Variants in ATF1 observed in about 807,000 individuals in gnomAD.
ATF1 encodes the protein activating transcription factor 1, also known as cyclic AMP-dependent transcription factor ATF-1.
Under a neutral mutation model 34.7 loss-of-function variants are expected in ATF1, and 16 were observed. The ratio of observed to expected loss-of-function variants is 0.46; its 90% CI spans 0.31 to 0.70. The LOEUF (loss-of-function observed/expected upper bound fraction) is 0.70, where lower values mean the gene tolerates loss of function less well. ATF1 is among the 30% of genes least tolerant of loss of function. The probability of loss-of-function intolerance (pLI) is 0.05; values close to 1 mark genes in which losing one functional copy is unlikely to be tolerated. For synonymous variants in ATF1, 105 were observed against 113.1 expected (o/e 0.93, Z 0.46); for missense variants, 255 against 321.6 (o/e 0.79, Z 1.58).
chr12:50,819,073 T>C (rs904937599), intron 6 of ATF1, among the ~76,000 whole-genome samples: 4 of 152,212 alleles, frequency 2.6e-5, no homozygotes, highest in Middle Eastern at 3.2e-3. Flanking sequence ...ATTTCACTCT[T>C]TGGTATTTAT....
chr12:50,773,808 T>G (rs1044454276), intron 1 of ATF1, among the ~76,000 whole-genome samples: 1 of 152,036 alleles, frequency 6.6e-6, no homozygotes, highest in East Asian at 1.9e-4. Context: ...CAGGCTGGTC[T>G]CAAGCTCCTG....
chr12:50,774,072 C>T (rs940012189), intron 1 of ATF1, among the ~76,000 whole-genome samples: 2 of 152,066 alleles, frequency 1.3e-5, no homozygotes, highest in South Asian at 4.2e-4. Context: ...ACTCTTGTTG[C>T]CCAGGCTGGA....
Position 50,814,093 on chromosome 12 carries a change from A to G in ATF1, c.412A>G (p.Asn138Asp). 2 of 1,614,194 alleles carry G rather than the reference A, an allele frequency of 1.2e-6. No homozygotes were observed. Among genetic ancestry groups the G allele is most frequent in the Non-Finnish European group, 8.5e-7 (1 of 1,180,026 alleles). Residue 138 changes from asparagine (N) to aspartate (D), a missense_variant, in exon 5 of 7, where the codon AAT becomes GAT. This residue lies in a region of ATF1 where 221 missense variants were observed against 250.7 expected (regional missense o/e 0.88). Coordinates refer to ENST00000262053, the MANE Select transcript of ATF1 (RefSeq NM_005171.5). ...VQGLQTLTMT[N>D]SGSTQQGTTI... ...GGGACTTCAGACATTAACCATGACA[A>G]ATTCAGGCAGTACTCAGCAAGGTAC...
intron 2 of ATF1, among the ~76,000 whole-genome samples, chr12:50,787,771 A>G (rs1941215639): frequency 6.6e-6 from 1 of 152,126 alleles, no homozygotes; most frequent in South Asian, 2.1e-4. Context: ...CAGGTGAAGT[A>G]TATGTTTGGG....
chr12:50,813,529 T>C (rs142147560), intron 4 of ATF1, among the ~76,000 whole-genome samples: 44 of 152,292 alleles, frequency 2.9e-4, no homozygotes, highest in African/African-American at 1.0e-3. Flanking sequence ...TTAACTATCA[T>C]GGGGCCAAGT....
chr12:50,777,530 T>G (rs1259524643), intron 1 of ATF1, among the ~76,000 whole-genome samples: 4 of 152,158 alleles, frequency 2.6e-5, no homozygotes, highest in African/African-American at 9.7e-5. Flanking sequence ...TCCCAGCACT[T>G]TGGGAGGCCG....
At chr12:50,767,136 T>G (rs1940656605) in intron 1 of ATF1, among the ~76,000 whole-genome samples, 1 of 152,012 alleles carries the variant, frequency 6.6e-6, no homozygotes, top group South Asian at 2.1e-4. Flanking sequence ...CCCAGAAGCC[T>G]GGGATGCTGG....
chr12:50,799,382 C>T (rs1347583972), intron 3 of ATF1, among the ~76,000 whole-genome samples: 1 of 151,984 alleles, frequency 6.6e-6, no homozygotes, highest in Non-Finnish European at 1.5e-5. Flanking sequence ...AGTCCCTGTC[C>T]CAAATACACA....
intron 1 of ATF1, among the ~76,000 whole-genome samples, chr12:50,767,110 A>G (rs563789852): frequency 6.6e-6 from 1 of 152,156 alleles, no homozygotes; most frequent in African/African-American, 2.4e-5. Flanking sequence ...CACTAGGACC[A>G]CTAAGGGAAA....
At chr12:50,783,652 G>A (rs1162725547) in intron 2 of ATF1, among the ~76,000 whole-genome samples, 1 of 151,606 alleles carries the variant, frequency 6.6e-6, no homozygotes. Flanking sequence ...GGTAGATCAC[G>A]AGGGCAGGAG....
At chr12:50,786,671 C>T (rs912960119) in intron 2 of ATF1, among the ~76,000 whole-genome samples, 2 of 152,098 alleles carry the variant, frequency 1.3e-5, no homozygotes, top group African/African-American at 4.8e-5. Flanking sequence ...AAAAAGAAAA[C>T]CCACAAACCC....
At chr12:50,783,000 G>A (rs966095128) in intron 2 of ATF1, among the ~76,000 whole-genome samples, 1 of 151,910 alleles carries the variant, frequency 6.6e-6, no homozygotes, top group Non-Finnish European at 1.5e-5. Flanking sequence ...GATTTCAGCT[G>A]TTTTCTATTA....
intron 1 of ATF1, among the ~76,000 whole-genome samples, chr12:50,777,151 G>C (rs1940945605): frequency 6.6e-6 from 1 of 152,182 alleles, no homozygotes; most frequent in African/African-American, 2.4e-5. Flanking sequence ...ACACTGCCCA[G>C]CCTATGTAGC....
chr12:50,818,825 C>T (rs955319506), intron 6 of ATF1, among the ~76,000 whole-genome samples: 2 of 152,232 alleles, frequency 1.3e-5, no homozygotes, highest in East Asian at 1.9e-4. Flanking sequence ...AGGCTGGTCT[C>T]GAACTCCTGA....
At chr12:50,767,648 T>C (rs940079352) in intron 1 of ATF1, among the ~76,000 whole-genome samples, 2 of 152,244 alleles carry the variant, frequency 1.3e-5, no homozygotes, top group African/African-American at 4.8e-5. Flanking sequence ...CTCCACCTTG[T>C]TTTACGTCCT....
rs756158967 is a variant in ATF1, at chr12:50,819,709, A to G, written c.746A>G (p.Glu249Gly). The change falls in exon 7 of 7, where the codon GAA becomes GGA. Residue 249 changes from glutamate to glycine, a missense_variant. Around this residue, in one of 2 missense-constraint regions of ATF1, gnomAD observed 34 missense variants for 70.8 expected, o/e 0.48. Transcript: ENST00000262053. ...KCLENRVAVL[E>G]NQNKTLIEEL... ...CTGGAAAACCGAGTTGCAGTCCTGGAAAATCAAAATAAAACTCTAATAGAA... is the reference window on the plus strand; with the variant it reads ...CTGGAAAACCGAGTTGCAGTCCTGGGAAATCAAAATAAAACTCTAATAGAA... 2 of 1,609,516 alleles carry G rather than the reference A, an allele frequency of 1.2e-6. No homozygotes were observed. The highest frequency in any genetic ancestry group is 1.7e-6 in the Non-Finnish European group (2 of 1,176,952).
At chr12:50,797,346 C>T (rs1410236806) in intron 3 of ATF1, among the ~76,000 whole-genome samples, 1 of 152,168 alleles carries the variant, frequency 6.6e-6, no homozygotes, top group Non-Finnish European at 1.5e-5. Flanking sequence ...AAGGATAAAC[C>T]TGAGATCTTA....
At chr12:50,769,165 A>G (rs1263359326) in intron 1 of ATF1, among the ~76,000 whole-genome samples, 1 of 152,226 alleles carries the variant, frequency 6.6e-6, no homozygotes, top group Non-Finnish European at 1.5e-5. Context: ...AAAAGATTAT[A>G]AGAAGGCATG....
chr12:50,802,585 A>G (rs1225663038), intron 3 of ATF1, among the ~76,000 whole-genome samples: 1 of 152,046 alleles, frequency 6.6e-6, no homozygotes, highest in Admixed American at 6.6e-5. Flanking sequence ...TAAAAGATCT[A>G]AGTAAGGCTG....
Sources: allele counts gnomAD v4.1 joint callset (sites outside exome capture counted in the v4.1 genomes callset), GRCh38; gene constraint gnomAD v4.1.1; regional missense constraint gnomAD v4.1.1; transcripts MANE v1.5; gene names NCBI Gene and HGNC (gene_info 2026-07-23, HGNC 2026-07-21).